EIF2AK4: variants seen among roughly 807,000 people sequenced by gnomAD.
EIF2AK4 encodes eukaryotic translation initiation factor 2 alpha kinase 4, also known as eIF-2-alpha kinase GCN2.
In EIF2AK4, 139 loss-of-function variants were observed where a neutral mutation model predicts 211.1. That is an observed-to-expected ratio of 0.66 (90% CI 0.57 to 0.76). The LOEUF (loss-of-function observed/expected upper bound fraction) is 0.76, where lower values mean the gene tolerates loss of function less well. EIF2AK4 is among the 30% of genes least tolerant of loss of function. The pLI, the probability that EIF2AK4 is intolerant of heterozygous loss-of-function variation, is 0.00. For missense variants in EIF2AK4, 1,664 were observed against 2,043.8 expected, an observed-to-expected ratio of 0.81 and a Z score of 3.58; for synonymous variants, 710 against 751.3, an observed-to-expected ratio of 0.94 and a Z score of 0.90.
intron 6 of EIF2AK4, among the ~76,000 whole-genome samples, chr15:39,959,575 A>G (rs560723821): frequency 6.6e-5 from 10 of 152,302 alleles, no homozygotes; most frequent in African/African-American, 2.2e-4. Context: ...ATCAGTCATA[A>G]TAGGGTGATT....
At chr15:39,950,644 A>G (rs1207652503) in intron 4 of EIF2AK4, among the ~76,000 whole-genome samples, 1 of 152,002 alleles carries the variant, frequency 6.6e-6, no homozygotes, top group African/African-American at 2.4e-5. Context: ...GGTGTAATCT[A>G]CTGTATGATA....
intron 9 of EIF2AK4, among the ~76,000 whole-genome samples, chr15:39,970,043 G>A (rs1004177562): frequency 3.9e-5 from 6 of 152,214 alleles, no homozygotes; most frequent in African/African-American, 1.4e-4. Context: ...CCTACCTCAT[G>A]AGGTGGTTGT....
At chr15:39,983,181 A>G (rs1035289774) in intron 13 of EIF2AK4, among the ~76,000 whole-genome samples, 13 of 152,146 alleles carry the variant, frequency 8.5e-5, no homozygotes, top group Non-Finnish European at 1.5e-5. Context: ...AAGCATTCCT[A>G]TTTCTCCACA....
chr15:39,988,201 TAGAG>T (rs2034893003), intron 15 of EIF2AK4, 96 bp downstream of exon 15: 1 of 1,403,834 alleles, frequency 7.1e-7, no homozygotes, highest in Admixed American at 1.8e-5. Flanking sequence ...AAAACTGAAA[TAGAG>T]GGAAAGCTAT....
At chr15:39,985,642 G>A (rs898802369) in intron 13 of EIF2AK4, among the ~76,000 whole-genome samples, 163 bp from the exon 14 acceptor site, 4 of 152,158 alleles carry the variant, frequency 2.6e-5, no homozygotes, top group Non-Finnish European at 4.4e-5. Context: ...ACAGCCAAAT[G>A]CTGTGAGCTT....
chr15:39,960,040 T>C (rs1022639443), intron 6 of EIF2AK4, among the ~76,000 whole-genome samples: 60 of 151,856 alleles, frequency 4.0e-4, no homozygotes, highest in Non-Finnish European at 1.9e-4. Context: ...GGCGGGGGCC[T>C]ATAGTCCCAG....
intron 31 of EIF2AK4, 114 bp downstream of exon 31, chr15:40,021,141 C>T: frequency 4.0e-6 from 5 of 1,239,106 alleles, no homozygotes; most frequent in Non-Finnish European, 5.4e-6. Flanking sequence ...ATTCGAGTTG[C>T]CTCCTGTGTT....
intron 1 of EIF2AK4, among the ~76,000 whole-genome samples, chr15:39,935,721 T>G (rs2034055376): frequency 6.6e-6 from 1 of 152,206 alleles, no homozygotes; most frequent in Non-Finnish European, 1.5e-5. Context: ...TCTGGAGCTA[T>G]CAGGACAAAA....
At chr15:40,010,939 C>T (rs751452330) in intron 26 of EIF2AK4, among the ~76,000 whole-genome samples, 1 of 152,214 alleles carries the variant, frequency 6.6e-6, no homozygotes, top group Non-Finnish European at 1.5e-5. Flanking sequence ...TGCCCAGAGC[C>T]TGGCCTTTGT....
Position 40,000,975 on chromosome 15 carries a change from G to A in EIF2AK4, c.2923-13G>A, listed in dbSNP as rs79403089. ...TTGCATCCCATTAGCAGTGTGCCTG[G>A]GTTTTATTGTAGAAATCAGTCATCT... is the stretch of plus-strand genomic sequence containing the variant. On this transcript the variant is annotated splice_polypyrimidine_tract_variant and intron_variant, in intron 20 of 38. Transcript: ENST00000263791. 3 of 1,613,620 alleles carry A rather than the reference G, an allele frequency of 1.9e-6. No individual in the cohort carries two copies. The highest frequency in any genetic ancestry group is 2.2e-5 in the East Asian group (1 of 44,896).
At chr15:39,943,592 G>A (rs1366205850) in intron 3 of EIF2AK4, 107 bp downstream of exon 3, 2 of 840,980 alleles carry the variant, frequency 2.4e-6, no homozygotes, top group East Asian at 2.7e-5. Context: ...CTACAAAAGG[G>A]AACATTGTGA....
At chr15:39,987,366 C>T (rs1018100478) in intron 14 of EIF2AK4, among the ~76,000 whole-genome samples, 2 of 152,174 alleles carry the variant, frequency 1.3e-5, no homozygotes, top group Non-Finnish European at 2.9e-5. Context: ...AACCTTTCTT[C>T]GTGAGAAATC....
intron 1 of EIF2AK4, among the ~76,000 whole-genome samples, chr15:39,939,283 T>G (rs1157234122): frequency 6.6e-6 from 1 of 152,212 alleles, no homozygotes; most frequent in Non-Finnish European, 1.5e-5. Context: ...GTGGAACATT[T>G]TGGTTCATTC....
chr15:39,972,120 A>G (rs2034633512), intron 9 of EIF2AK4, among the ~76,000 whole-genome samples: 1 of 152,160 alleles, frequency 6.6e-6, no homozygotes, highest in African/African-American at 2.4e-5. Flanking sequence ...GCACTTTGGG[A>G]GGCCGAGACA....
intron 6 of EIF2AK4, among the ~76,000 whole-genome samples, chr15:39,957,375 A>G (rs928245659): frequency 1.3e-5 from 2 of 152,064 alleles, no homozygotes; most frequent in Admixed American, 6.6e-5. Context: ...GTTCAAGACC[A>G]GCCTGGGCAA....
intron 20 of EIF2AK4, among the ~76,000 whole-genome samples, chr15:39,999,680 A>G (rs1236431724): frequency 5.3e-5 from 8 of 152,204 alleles, no homozygotes; most frequent in Non-Finnish European, 1.0e-4. Flanking sequence ...CATGATGGTT[A>G]TTTATGGCTG....
intron 32 of EIF2AK4, 25 bp downstream of exon 32, chr15:40,022,630 A>G: frequency 6.2e-7 from 1 of 1,607,862 alleles, no homozygotes; most frequent in Non-Finnish European, 8.5e-7. Context: ...GATTTTTTAC[A>G]ATTCAATAGT....
intron 3 of EIF2AK4, among the ~76,000 whole-genome samples, chr15:39,947,666 C>A (rs190184928): frequency 6.6e-6 from 1 of 152,230 alleles, no homozygotes; most frequent in Admixed American, 6.5e-5. Context: ...TTATAAGTGC[C>A]ATGAAGAAAA....
At chr15:40,013,746 C>G (rs1055054430) in intron 27 of EIF2AK4, among the ~76,000 whole-genome samples, 2 of 152,158 alleles carry the variant, frequency 1.3e-5, no homozygotes, top group African/African-American at 4.8e-5. Context: ...AGCTACAGTT[C>G]AAGATGAAAT....
Sources: allele counts gnomAD v4.1 joint callset (sites outside exome capture counted in the v4.1 genomes callset), GRCh38; gene constraint gnomAD v4.1.1; transcripts MANE v1.5; gene names NCBI Gene and HGNC (gene_info 2026-07-23, HGNC 2026-07-21).